The following FOCAD variants were observed in gnomAD, a reference collection of about 807,000 sequenced individuals.
FOCAD encodes the protein KIAA1797.
FOCAD carries 198 observed loss-of-function variants against 225.6 expected under a neutral mutation model. The observed-to-expected ratio is 0.88, with a 90% CI of 0.78 to 0.99. FOCAD has a LOEUF of 0.99. FOCAD is among the 50% of genes least tolerant of loss of function. The pLI is 0.00. For missense variants in FOCAD, 2,713 were observed against 2,123.6 expected (o/e 1.28, Z -5.46); for synonymous variants, 897 against 755.0 (o/e 1.19, Z -3.08).
intron 10 of FOCAD, among the ~76,000 whole-genome samples, chr9:20,785,670 C>G (rs915604396): frequency 6.6e-6 from 1 of 152,108 alleles, no homozygotes; most frequent in Admixed American, 6.5e-5. Flanking sequence ...TGTTGACGAA[C>G]TTTTGGCTCT....
intron 11 of FOCAD, among the ~76,000 whole-genome samples, chr9:20,796,895 CT>C (rs1323252717): frequency 6.6e-6 from 1 of 151,726 alleles, no homozygotes; most frequent in Non-Finnish European, 1.5e-5. Context: ...TTGCCCATAC[CT>C]ATGTACTGAA....
chr9:20,843,858 G>A (rs1826801365), intron 15 of FOCAD, among the ~76,000 whole-genome samples: 2 of 152,136 alleles, frequency 1.3e-5, no homozygotes, highest in African/African-American at 4.8e-5. Flanking sequence ...TAGAGTTGGA[G>A]AGACAGTATT....
chr9:20,966,121 AC>A lies in FOCAD; in HGVS notation c.4133-10298del, dbSNP rs1839234086. 2.0e-5 allele frequency among the ~76,000 whole-genome samples: 3 copies of A among 152,108 alleles called. No homozygotes were observed. In the South Asian group the frequency reaches 6.2e-4, roughly 32 times the overall value. The stretch of plus-strand genomic sequence containing the variant: ...TGAGGAACTACCAAACTGTTTTTCC[AC>A]AGTGGCCGCACTGTTTTACATTCTT... On this transcript the variant is annotated intron_variant, in intron 35 of 43. Transcript: ENST00000338382.
At chr9:20,930,926 A>T (rs768971994) in intron 27 of FOCAD, among the ~76,000 whole-genome samples, 6 of 152,138 alleles carry the variant, frequency 3.9e-5, no homozygotes, top group Non-Finnish European at 8.8e-5. Flanking sequence ...CTTTGCTACT[A>T]TGCTACAAAT....
chr9:20,756,657 G>T (rs2130881942), intron 5 of FOCAD, among the ~76,000 whole-genome samples: 1 of 152,218 alleles, frequency 6.6e-6, no homozygotes, highest in African/African-American at 2.4e-5. Context: ...ATTTCCTGCA[G>T]GGCTATTTAT....
chr9:20,871,794 A>T (rs1829798326), intron 18 of FOCAD, among the ~76,000 whole-genome samples: 1 of 148,704 alleles, frequency 6.7e-6, no homozygotes, highest in Non-Finnish European at 1.5e-5. Flanking sequence ...GCATTAGGAG[A>T]TATACCTAAT....
intron 1 of FOCAD, among the ~76,000 whole-genome samples, chr9:20,697,318 A>G (rs754212992): frequency 6.6e-5 from 10 of 152,108 alleles, no homozygotes; most frequent in African/African-American, 1.2e-4. Context: ...AGAAGCCACA[A>G]TGATCTTTTT....
Position 20,839,409 on chromosome 9 carries a change from G to C in FOCAD, c.1920+16294G>C, listed in dbSNP as rs111419593. The stretch of plus-strand genomic sequence containing the variant: ...AAGTAGCTGGGACTACAGGTGTGCA[G>C]ACCCGTGCCTGACTAATTGTTTTTG... On this transcript the variant is annotated intron_variant, in intron 15 of 43. Coordinates refer to ENST00000338382, the MANE Select transcript of FOCAD (RefSeq NM_001375567.1). 9.8e-3 allele frequency among the ~76,000 whole-genome samples: 1,494 copies of C among 151,700 alleles called. 28 individuals are homozygous for C. Among genetic ancestry groups the C allele is most frequent in the East Asian group, 0.043 (220 of 5,156 alleles).
At chr9:20,878,154 A>G (rs1830382907) in intron 19 of FOCAD, among the ~76,000 whole-genome samples, 1 of 152,124 alleles carries the variant, frequency 6.6e-6, no homozygotes, top group Non-Finnish European at 1.5e-5. Context: ...ACCAATTAGA[A>G]CTCTTTAGAA....
At chr9:20,811,363 T>C (rs2131352781) in intron 11 of FOCAD, among the ~76,000 whole-genome samples, 1 of 152,206 alleles carries the variant, frequency 6.6e-6, no homozygotes, top group East Asian at 1.9e-4. Context: ...CTTAACAGAA[T>C]GTTATAGTTA....
chr9:20,865,092 C>A (rs1829110028), intron 16 of FOCAD, among the ~76,000 whole-genome samples: 1 of 151,992 alleles, frequency 6.6e-6, no homozygotes, highest in Non-Finnish European at 1.5e-5. Flanking sequence ...TCAGTCCCTG[C>A]CTTCTAGAAG....
At chr9:20,766,597 T>A (rs1238306825) in intron 7 of FOCAD, among the ~76,000 whole-genome samples, 1 of 152,128 alleles carries the variant, frequency 6.6e-6, no homozygotes, top group Non-Finnish European at 1.5e-5. Flanking sequence ...CCCATCTGTA[T>A]CCTATCTTAT....
At chr9:20,852,491 A>G (rs955699476) in intron 15 of FOCAD, among the ~76,000 whole-genome samples, 2 of 151,696 alleles carry the variant, frequency 1.3e-5, no homozygotes, top group Non-Finnish European at 3.0e-5. Context: ...GGAGGATAGA[A>G]GAATCATTTT....
chr9:20,935,107 C>T (rs1267100790), intron 28 of FOCAD, among the ~76,000 whole-genome samples: 1 of 152,150 alleles, frequency 6.6e-6, no homozygotes, highest in Non-Finnish European at 1.5e-5. Context: ...CTACACAGAA[C>T]TAGATAAAAC....
intron 1 of FOCAD, among the ~76,000 whole-genome samples, chr9:20,696,291 G>A (rs562114078): frequency 6.6e-6 from 1 of 152,270 alleles, no homozygotes; most frequent in East Asian, 1.9e-4. Flanking sequence ...GTATTGTATA[G>A]TTGAAATTTA....
chr9:20,918,074 G>C (rs534026928), intron 24 of FOCAD, among the ~76,000 whole-genome samples: 1 of 152,354 alleles, frequency 6.6e-6, no homozygotes, highest in Admixed American at 6.5e-5. Context: ...CATAGTGGGA[G>C]AGGGCTCAGT....
intron 10 of FOCAD, among the ~76,000 whole-genome samples, chr9:20,788,077 T>A (rs757974982): frequency 6.6e-6 from 1 of 152,156 alleles, no homozygotes; most frequent in African/African-American, 2.4e-5. Context: ...CAAATATCCA[T>A]CCATTGATAG....
chr9:20,709,369 T>G (rs1042834788), intron 1 of FOCAD, among the ~76,000 whole-genome samples: 1 of 152,184 alleles, frequency 6.6e-6, no homozygotes, highest in African/African-American at 2.4e-5. Flanking sequence ...TGGTTTCCTT[T>G]TAGTAAAATG....
chr9:20,689,603 C>G (rs1029637175), intron 1 of FOCAD, among the ~76,000 whole-genome samples: 2 of 151,938 alleles, frequency 1.3e-5, no homozygotes, highest in East Asian at 3.9e-4. Flanking sequence ...AGTGAAGAGG[C>G]TGAGGATATA....
Sources: allele counts gnomAD v4.1 joint callset (sites outside exome capture counted in the v4.1 genomes callset), GRCh38; gene constraint gnomAD v4.1.1; transcripts MANE v1.5; gene names NCBI Gene and HGNC (gene_info 2026-07-23, HGNC 2026-07-21).